The following BICDL1 variants were observed in gnomAD, a reference collection of about 807,000 sequenced individuals.
BICDL1 encodes BICD family-like cargo adapter 1.
A neutral mutation model predicts 76.8 loss-of-function variants in BICDL1; 20 were observed. The ratio of observed to expected loss-of-function variants is 0.26; its 90% CI spans 0.18 to 0.38. The LOEUF (loss-of-function observed/expected upper bound fraction) is 0.38, where lower values mean the gene tolerates loss of function less well. BICDL1 is among the 10% of genes least tolerant of loss of function. The pLI is 1.00. For missense variants in BICDL1, 700 were observed against 798.6 expected (o/e 0.88, Z 1.49); for synonymous variants, 383 against 337.1 (o/e 1.14, Z -1.49).
intron 4 of BICDL1, among the ~76,000 whole-genome samples, chr12:120,068,239 A>G (rs1212736793): frequency 6.6e-6 from 1 of 152,232 alleles, no homozygotes; most frequent in Non-Finnish European, 1.5e-5. Flanking sequence ...TTTCTTTTTA[A>G]TGGAACAGAG....
At chr12:119,994,562 T>C (rs1951597222) in intron 1 of BICDL1, among the ~76,000 whole-genome samples, 1 of 152,156 alleles carries the variant, frequency 6.6e-6, no homozygotes, top group Non-Finnish European at 1.5e-5. Flanking sequence ...CCATCTTGGC[T>C]CACTGCAACC....
chr12:120,045,711 T>C lies in BICDL1; in HGVS notation c.646-15999T>C, dbSNP rs562492034. ...GCATATTCTCACTCATAGGTGGGAA[T>C]TGAACAATGAGAACACATGGACATA... On this transcript the variant is annotated intron_variant, in intron 2 of 9. Transcript: ENST00000548673. Among the ~76,000 whole-genome samples the C allele has an allele frequency of 1.4e-3, 205 of 145,524 alleles. 1 individual carries two copies. The highest frequency in any genetic ancestry group is 4.1e-3 in the African/African-American group (160 of 38,820).
intron 2 of BICDL1, among the ~76,000 whole-genome samples, chr12:120,027,140 C>T (rs183628506): frequency 1.2e-3 from 171 of 148,398 alleles, no homozygotes; most frequent in African/African-American, 4.1e-3. Flanking sequence ...ATGTGATTCT[C>T]GTGCCTCAGC....
chr12:120,000,769 G>A (rs1337606244), intron 2 of BICDL1, among the ~76,000 whole-genome samples: 3 of 152,152 alleles, frequency 2.0e-5, no homozygotes, highest in Non-Finnish European at 4.4e-5. Context: ...CATTAACTGG[G>A]GGACCTTGTT....
chr12:120,061,817 T>C lies in BICDL1; in HGVS notation c.753T>C (p.Leu251=). 1 of 1,613,544 alleles carries C rather than the reference T, an allele frequency of 6.2e-7. No homozygotes were observed. The highest frequency in any genetic ancestry group is 8.5e-7 in the Non-Finnish European group (1 of 1,179,482). The change falls in exon 3 of 10, where the codon CTT becomes CTC. Residue 251 remains leucine, a synonymous_variant. Coordinates refer to ENST00000548673, the MANE Select transcript of BICDL1 (RefSeq NM_001367886.1). ...TNQHIIRLES[L]QAEIKMLSDR... is the part of the protein sequence containing the mutation. ...AGCACATTATCCGGCTGGAGAGCCT[T>C]CAGGCCGAGGTGAGCCTCCCGACAC...
chr12:120,027,109 C>T (rs1952322964), intron 2 of BICDL1, among the ~76,000 whole-genome samples: 1 of 146,982 alleles, frequency 6.8e-6, no homozygotes, highest in East Asian at 2.0e-4. Context: ...CGGCTCACTG[C>T]AACCTCCGCC....
chr12:120,084,215 G>C (rs1874220789), intron 8 of BICDL1, among the ~76,000 whole-genome samples: 1 of 151,956 alleles, frequency 6.6e-6, no homozygotes, highest in Admixed American at 6.6e-5. Flanking sequence ...TGTTAGTCAG[G>C]ATGGTCTCGA....
intron 2 of BICDL1, among the ~76,000 whole-genome samples, chr12:120,043,205 A>G (rs1211366070): frequency 6.6e-6 from 1 of 152,200 alleles, no homozygotes; most frequent in African/African-American, 2.4e-5. Flanking sequence ...AGAAAATGCT[A>G]AATAATATTC....
chr12:119,990,432 G>A, intron 1 of BICDL1, 135 bp downstream of exon 1: 3 of 1,451,040 alleles, frequency 2.1e-6, no homozygotes, highest in Non-Finnish European at 2.8e-6. Context: ...ATGAATGGGG[G>A]AGGGAGGATG....
At chr12:120,042,108 T>C (rs1248183321) in intron 2 of BICDL1, among the ~76,000 whole-genome samples, 1 of 152,000 alleles carries the variant, frequency 6.6e-6, no homozygotes, top group Non-Finnish European at 1.5e-5. Flanking sequence ...TGGCTGGGAC[T>C]AGGATGGGAG....
intron 2 of BICDL1, among the ~76,000 whole-genome samples, chr12:120,027,007 C>T (rs1013535214): frequency 2.0e-5 from 3 of 148,720 alleles, no homozygotes; most frequent in African/African-American, 5.0e-5. Context: ...GAAATGAGAA[C>T]GAGAATAATG....
At chr12:120,053,744 A>T (rs1952913730) in intron 2 of BICDL1, among the ~76,000 whole-genome samples, 1 of 152,156 alleles carries the variant, frequency 6.6e-6, no homozygotes, top group Non-Finnish European at 1.5e-5. Flanking sequence ...TTGGAAAGCA[A>T]GATTTGAGTG....
intron 2 of BICDL1, among the ~76,000 whole-genome samples, chr12:120,048,645 T>G (rs972281059): frequency 6.6e-6 from 1 of 152,234 alleles, no homozygotes; most frequent in South Asian, 2.1e-4. Context: ...CCTCTGGGCC[T>G]CAGTTTCCTC....
At chr12:120,091,315 A>G (rs1012421255) in intron 9 of BICDL1, 34 of 1,061,398 alleles carry the variant, frequency 3.2e-5, no homozygotes, top group Non-Finnish European at 3.5e-5. Context: ...GGGAAACTCT[A>G]AAGGGCGACC....
intron 2 of BICDL1, among the ~76,000 whole-genome samples, chr12:120,009,094 T>G (rs1200932430): frequency 6.6e-6 from 1 of 152,108 alleles, no homozygotes; most frequent in Non-Finnish European, 1.5e-5. Flanking sequence ...TTCAAGTGAT[T>G]CTCGTGCCTC....
intron 2 of BICDL1, among the ~76,000 whole-genome samples, chr12:120,039,588 A>G (rs1952594956): frequency 6.9e-6 from 1 of 143,948 alleles, no homozygotes; most frequent in Non-Finnish European, 1.5e-5. Context: ...CAGTGAGCCA[A>G]GATTGCGCCA....
chr12:120,056,451 T>G (rs1428687958), intron 2 of BICDL1, among the ~76,000 whole-genome samples: 1 of 152,216 alleles, frequency 6.6e-6, no homozygotes, highest in East Asian at 1.9e-4. Flanking sequence ...CCGGGCGCAG[T>G]GGCTCACGCC....
chr12:119,997,919 A>G (rs1232350638), intron 1 of BICDL1, among the ~76,000 whole-genome samples: 1 of 152,134 alleles, frequency 6.6e-6, no homozygotes, highest in Non-Finnish European at 1.5e-5. Flanking sequence ...ATCGAGACCA[A>G]CCTGGGCAAC....
chr12:120,016,474 CTG>C (rs1952064780), intron 2 of BICDL1, among the ~76,000 whole-genome samples: 1 of 130,678 alleles, frequency 7.7e-6, no homozygotes, highest in Non-Finnish European at 1.6e-5. Context: ...GGGTCTCACT[CTG>C]TCACCCATGC....
Sources: gnomAD v4.1 joint callset for allele counts (sites outside exome capture counted in the v4.1 genomes callset) on GRCh38, gnomAD v4.1.1 for gene constraint, MANE v1.5 for transcripts, NCBI Gene and HGNC (gene_info 2026-07-23, HGNC 2026-07-21) for gene names.